Variants in MMP16 observed in about 807,000 individuals in gnomAD.
MMP16 encodes the protein matrix metalloproteinase-16.
A neutral mutation model predicts 67.8 loss-of-function variants in MMP16; 12 were observed. That is an observed-to-expected ratio of 0.18 (90% CI 0.11 to 0.29). MMP16 has a LOEUF of 0.29. Among genes scored for constraint, MMP16 ranks in the 10% least tolerant of loss-of-function variants. MMP16 has a pLI of 1.00. For synonymous variants in MMP16, 249 were observed against 255.9 expected (o/e 0.97, Z 0.26); for missense variants, 475 against 765.7 (o/e 0.62, Z 4.48).
intron 4 of MMP16, among the ~76,000 whole-genome samples, chr8:88,148,188 A>C (rs1435382210): frequency 1.3e-5 from 2 of 152,088 alleles, no homozygotes; most frequent in African/African-American, 4.8e-5. Context: ...TCCTTTTCAT[A>C]GTCACTTGAT....
chr8:88,130,759 C>CGTGTGT (rs112295025), intron 4 of MMP16, among the ~76,000 whole-genome samples: 79 of 146,758 alleles, frequency 5.4e-4, no homozygotes, highest in African/African-American at 1.9e-3. Context: ...TTGTGAAATA[C>CGTGTGT]GTGTGTGTGT....
At chr8:88,307,608 T>G (rs1003995272) in intron 1 of MMP16, among the ~76,000 whole-genome samples, 10 of 152,062 alleles carry the variant, frequency 6.6e-5, no homozygotes, top group Admixed American at 2.0e-4. Context: ...TTTTTTAGGT[T>G]AATAATTGAC....
intron 1 of MMP16, among the ~76,000 whole-genome samples, chr8:88,230,313 G>A (rs776701932): frequency 7.9e-5 from 12 of 152,124 alleles, no homozygotes; most frequent in Non-Finnish European, 7.4e-5. Context: ...AAAAATAAAC[G>A]AATTTAAGTA....
At chr8:88,061,767 A>G (rs1808403163) in intron 7 of MMP16, among the ~76,000 whole-genome samples, 2 of 152,140 alleles carry the variant, frequency 1.3e-5, no homozygotes, top group South Asian at 2.1e-4. Context: ...GTTTATAAAA[A>G]CTATGCATTG....
intron 3 of MMP16, among the ~76,000 whole-genome samples, chr8:88,179,200 A>C (rs1808940202): frequency 6.6e-6 from 1 of 152,030 alleles, no homozygotes; most frequent in Non-Finnish European, 1.5e-5. Context: ...CTCTGGAAAA[A>C]AGCCAGAAGG....
At chr8:88,226,374 C>T (rs1359016316) in intron 1 of MMP16, among the ~76,000 whole-genome samples, 2 of 151,782 alleles carry the variant, frequency 1.3e-5, no homozygotes, top group African/African-American at 4.8e-5. Flanking sequence ...GCTTTATAAC[C>T]CTATGGGGCA....
chr8:88,111,087 T>C (rs1809326721), intron 6 of MMP16, among the ~76,000 whole-genome samples: 1 of 151,650 alleles, frequency 6.6e-6, no homozygotes. Context: ...AGTCTATCTT[T>C]AATGTCAAAG....
intron 1 of MMP16, among the ~76,000 whole-genome samples, chr8:88,278,641 G>A (rs1272262218): frequency 6.6e-6 from 1 of 152,144 alleles, no homozygotes; most frequent in African/African-American, 2.4e-5. Flanking sequence ...CAAGAAGCAT[G>A]AAGAGGATTT....
intron 1 of MMP16, among the ~76,000 whole-genome samples, chr8:88,214,623 A>G (rs1245931406): frequency 9.2e-5 from 14 of 152,208 alleles, no homozygotes; most frequent in Admixed American, 9.2e-4. Flanking sequence ...TCACATATTT[A>G]TCATTTATTT....
At chr8:88,300,205 T>C (rs1417690594) in intron 1 of MMP16, among the ~76,000 whole-genome samples, 1 of 152,196 alleles carries the variant, frequency 6.6e-6, no homozygotes, top group East Asian at 1.9e-4. Context: ...AATCCTATTG[T>C]CTACTCTTCT....
chr8:88,140,232 T>C (rs1314334007), intron 4 of MMP16, among the ~76,000 whole-genome samples: 2 of 152,166 alleles, frequency 1.3e-5, no homozygotes, highest in East Asian at 1.9e-4. Flanking sequence ...GGGTCTCATA[T>C]GGCCTAGGGT....
At position 88,263,060 on chromosome 8, in the gene MMP16, G is replaced by GT. The variant is rs35998193; in HGVS notation, c.132+64014dup. Among the ~76,000 whole-genome samples the GT allele has an allele frequency of 5.8e-4, 87 of 150,460 alleles. 1 individual carries two copies. In the South Asian group the frequency reaches 7.1e-3, roughly 12 times the overall value. On this transcript the variant is annotated intron_variant, in intron 1 of 9. Transcript: ENST00000286614. ...TAAATAAATAAATAAAATAAAAAAA[G>GT]TTTTTTTTAATTCAAAAGGAGTGTC... is the stretch of plus-strand genomic sequence containing the variant.
intron 4 of MMP16, among the ~76,000 whole-genome samples, chr8:88,143,687 T>C (rs1208409833): frequency 1.3e-5 from 2 of 151,982 alleles, no homozygotes; most frequent in African/African-American, 4.8e-5. Context: ...CTTGAGGGAC[T>C]GAACAGGAGT....
At chr8:88,282,905 G>C (rs1356414327) in intron 1 of MMP16, among the ~76,000 whole-genome samples, 1 of 151,884 alleles carries the variant, frequency 6.6e-6, no homozygotes, top group Non-Finnish European at 1.5e-5. Context: ...TTCATATATT[G>C]TTTAAGTCAA....
intron 1 of MMP16, among the ~76,000 whole-genome samples, chr8:88,295,819 T>C (rs1328051504): frequency 6.6e-6 from 1 of 152,156 alleles, no homozygotes; most frequent in Non-Finnish European, 1.5e-5. Flanking sequence ...GCACAGATGG[T>C]AGGTAATACG....
chr8:88,054,259 T>C (rs1187865729), intron 8 of MMP16, among the ~76,000 whole-genome samples: 1 of 152,140 alleles, frequency 6.6e-6, no homozygotes, highest in Non-Finnish European at 1.5e-5. Context: ...CTCCAAAGTG[T>C]CTCCTCAGCC....
chr8:88,259,517 T>C (rs1179527140), intron 1 of MMP16, among the ~76,000 whole-genome samples: 1 of 151,820 alleles, frequency 6.6e-6, no homozygotes, highest in Non-Finnish European at 1.5e-5. Flanking sequence ...CCTAGACAAA[T>C]AATTTAAACG....
chr8:88,206,818 C>A (rs1206033325), intron 1 of MMP16, among the ~76,000 whole-genome samples: 1 of 152,050 alleles, frequency 6.6e-6, no homozygotes, highest in Non-Finnish European at 1.5e-5. Context: ...CATCATTTCA[C>A]TTAAAGATGA....
intron 1 of MMP16, among the ~76,000 whole-genome samples, chr8:88,220,980 T>C (rs147374902): frequency 5.9e-5 from 9 of 152,238 alleles, no homozygotes; most frequent in African/African-American, 1.9e-4. Flanking sequence ...TTCGCAAGAA[T>C]GCAGGCTGGG....
Sources: gnomAD v4.1 joint callset for allele counts (sites outside exome capture counted in the v4.1 genomes callset) on GRCh38, gnomAD v4.1.1 for gene constraint, MANE v1.5 for transcripts, NCBI Gene and HGNC (gene_info 2026-07-23, HGNC 2026-07-21) for gene names.